Variants in ST18 observed in about 807,000 individuals in gnomAD.
The protein encoded by ST18 is suppression of tumorigenicity 18 protein.
In ST18, 50 loss-of-function variants were observed where a neutral mutation model predicts 110.0. The observed-to-expected ratio is 0.45, with a 90% CI of 0.36 to 0.58. The LOEUF (loss-of-function observed/expected upper bound fraction) is 0.58, where lower values mean the gene tolerates loss of function less well. ST18 is among the 20% of genes least tolerant of loss of function. The pLI, the probability that ST18 is intolerant of heterozygous loss-of-function variation, is 0.00. For missense variants in ST18, 1,306 were observed against 1,280.1 expected, an observed-to-expected ratio of 1.02 and a Z score of -0.31; for synonymous variants, 461 against 452.4, an observed-to-expected ratio of 1.02 and a Z score of -0.24.
chr8:52,223,520 T>C (rs2087817908), intron 3 of ST18, among the ~76,000 whole-genome samples: 1 of 152,122 alleles, frequency 6.6e-6, no homozygotes, highest in South Asian at 2.1e-4. Context: ...GGTATGTGCC[T>C]GTAATCCCAG....
At chr8:52,166,649 G>C (rs1180820665) in intron 11 of ST18, among the ~76,000 whole-genome samples, 1 of 152,204 alleles carries the variant, frequency 6.6e-6, no homozygotes, top group Non-Finnish European at 1.5e-5. Context: ...TATGGCAATT[G>C]TCTCTTGATC....
chr8:52,381,332 C>T (rs944669273), intron 2 of ST18, among the ~76,000 whole-genome samples: 8 of 152,158 alleles, frequency 5.3e-5, no homozygotes, highest in Admixed American at 1.3e-4. Flanking sequence ...CAAAGACAGT[C>T]GGCACCATGG....
chr8:52,143,090 G>A (rs1563659758), intron 16 of ST18, 45 bp from the exon 17 acceptor site: 2 of 1,256,574 alleles, frequency 1.6e-6, no homozygotes, highest in Non-Finnish European at 2.3e-6. Context: ...AGCCATTAGG[G>A]AACCCTGGAA....
At position 52,133,349 on chromosome 8, in the gene ST18, G is replaced by C. The variant is rs1290157650; in HGVS notation, c.2301-48C>G. 1.9e-6 allele frequency: 3 copies of C among 1,606,696 alleles called. 1 individual carries two copies. The highest frequency in any genetic ancestry group is 2.7e-5 in the African/African-American group (2 of 74,754). Reference sequence around the variant, plus strand: ...ATGGGCTGAGAAGTTGTAGTTGGGGGAGTGGGGGTCACACTCAAGTTATTT... The same window carrying C: ...ATGGGCTGAGAAGTTGTAGTTGGGGCAGTGGGGGTCACACTCAAGTTATTT... On this transcript the variant is annotated intron_variant, in intron 19 of 25. Coordinates refer to ENST00000689386, the MANE Select transcript of ST18 (RefSeq NM_001352837.2).
chr8:52,399,776 T>C (rs984302075), intron 2 of ST18, among the ~76,000 whole-genome samples: 1 of 152,074 alleles, frequency 6.6e-6, no homozygotes, highest in Non-Finnish European at 1.5e-5. Context: ...TTTCATACTG[T>C]TGTGGTTGGA....
intron 2 of ST18, among the ~76,000 whole-genome samples, chr8:52,334,330 G>A (rs531649226): frequency 6.6e-6 from 1 of 152,226 alleles, no homozygotes; most frequent in Admixed American, 6.5e-5. Flanking sequence ...TTTGAAATGG[G>A]AAGGAAGAAA....
At chr8:52,164,768 C>T (rs1014806711) in intron 12 of ST18, among the ~76,000 whole-genome samples, 1 of 152,174 alleles carries the variant, frequency 6.6e-6, no homozygotes, top group African/African-American at 2.4e-5. Context: ...GTCTATTGGA[C>T]AGGATCCAGG....
At chr8:52,216,262 C>T (rs1441648071) in intron 6 of ST18, among the ~76,000 whole-genome samples, 1 of 152,180 alleles carries the variant, frequency 6.6e-6, no homozygotes, top group East Asian at 1.9e-4. Flanking sequence ...GTCACCACTC[C>T]AGGCAGCCGC....
In ST18 at chr8:52,125,815, A is replaced by C. The variant is rs533033015; in HGVS notation, c.2755+237T>G. ...AACCACAAGTGTATCTTAATCCATC[A>C]TACCCCACTGCCTGACTTTCTCTGT... is the stretch of plus-strand genomic sequence containing the variant. On this transcript the variant is annotated intron_variant, in intron 23 of 25. Coordinates refer to ENST00000689386, the MANE Select transcript of ST18 (RefSeq NM_001352837.2). The C allele has an allele frequency of 6.0e-6, 3 of 499,404 alleles. No individual in the cohort carries two copies. The East Asian group carries it at 9.9e-5, about 17-fold the overall frequency. The allele number at this position is 499,404 out of a possible 1,614,324, so 30.9% of individuals were successfully genotyped here.
chr8:52,179,377 G>A (rs1239086866), intron 9 of ST18, among the ~76,000 whole-genome samples: 2 of 152,162 alleles, frequency 1.3e-5, no homozygotes, highest in African/African-American at 4.8e-5. Context: ...AGTAAGTGAA[G>A]AAGCGAATCA....
chr8:52,377,975 A>G (rs1363329059), intron 2 of ST18, among the ~76,000 whole-genome samples: 1 of 152,224 alleles, frequency 6.6e-6, no homozygotes, highest in African/African-American at 2.4e-5. Flanking sequence ...AGGGCATTAT[A>G]ATTCAGGAAT....
intron 2 of ST18, among the ~76,000 whole-genome samples, chr8:52,302,454 A>C (rs901233197): frequency 1.2e-4 from 18 of 152,336 alleles, no homozygotes; most frequent in Admixed American, 1.0e-3. Flanking sequence ...ATAGAAATCT[A>C]TTCCCTAACT....
chr8:52,331,660 A>C (rs73679044), intron 2 of ST18, among the ~76,000 whole-genome samples: 1 of 152,332 alleles, frequency 6.6e-6, no homozygotes, highest in African/African-American at 2.4e-5. Context: ...GAACTATCAC[A>C]CATTGTTGTA....
At chr8:52,323,712 T>C (rs981670715) in intron 2 of ST18, among the ~76,000 whole-genome samples, 1 of 152,244 alleles carries the variant, frequency 6.6e-6, no homozygotes, top group Admixed American at 6.5e-5. Context: ...GATTAATCCA[T>C]AGCTCAGAGA....
intron 12 of ST18, among the ~76,000 whole-genome samples, chr8:52,164,404 T>A (rs933645395): frequency 2.6e-5 from 4 of 152,238 alleles, no homozygotes; most frequent in Middle Eastern, 3.2e-3. Context: ...CCAATTGCAA[T>A]GTATCCAACT....
At chr8:52,137,842 C>T (rs2053120874) in intron 17 of ST18, 2 of 197,198 alleles carry the variant, frequency 1.0e-5, no homozygotes, top group Non-Finnish European at 2.1e-5. Flanking sequence ...GTGGCTCACG[C>T]CTGTAATCCC....
At chr8:52,329,301 C>T (rs1320740998) in intron 2 of ST18, among the ~76,000 whole-genome samples, 4 of 148,840 alleles carry the variant, frequency 2.7e-5, no homozygotes, top group African/African-American at 7.5e-5. Flanking sequence ...AAAAAAAAGG[C>T]TGGCACTGCC....
intron 2 of ST18, among the ~76,000 whole-genome samples, chr8:52,357,807 A>T (rs2140404472): frequency 6.8e-6 from 1 of 148,088 alleles, no homozygotes; most frequent in Non-Finnish European, 1.5e-5. Context: ...TAATGAATAG[A>T]TCCATAAGGA....
chr8:52,158,630 A>G (rs1220718885), intron 15 of ST18, among the ~76,000 whole-genome samples: 2 of 152,114 alleles, frequency 1.3e-5, no homozygotes, highest in African/African-American at 4.8e-5. Flanking sequence ...ATTCTCCCCA[A>G]CCCATCTCTG....
Sources: allele counts gnomAD v4.1 joint callset (sites outside exome capture counted in the v4.1 genomes callset), GRCh38; gene constraint gnomAD v4.1.1; transcripts MANE v1.5; gene names NCBI Gene and HGNC (gene_info 2026-07-23, HGNC 2026-07-21).